The following SDK1 variants were observed in gnomAD, a reference collection of about 807,000 sequenced individuals.
SDK1 encodes protein sidekick-1.
SDK1 carries 157 observed loss-of-function variants against 245.5 expected under a neutral mutation model. That is an observed-to-expected ratio of 0.64 (90% CI 0.56 to 0.73). The LOEUF is 0.73. Among genes scored for constraint, SDK1 ranks in the 30% least tolerant of loss-of-function variants. SDK1 has a pLI of 0.00. For synonymous variants in SDK1, 1,647 were observed against 1,278.5 expected, an observed-to-expected ratio of 1.29 and a Z score of -6.15; for missense variants, 3,583 against 3,002.3, an observed-to-expected ratio of 1.19 and a Z score of -4.52.
At chr7:3,407,136 T>C (rs559586455) in intron 1 of SDK1, among the ~76,000 whole-genome samples, 3 of 152,316 alleles carry the variant, frequency 2.0e-5, no homozygotes, top group Admixed American at 6.5e-5. Flanking sequence ...TCTGCACTAA[T>C]GATGCGTGGG....
At chr7:3,497,715 C>G (rs940777796) in intron 1 of SDK1, among the ~76,000 whole-genome samples, 1 of 152,128 alleles carries the variant, frequency 6.6e-6, no homozygotes, top group African/African-American at 2.4e-5. Context: ...AATCACATAC[C>G]TTGATAAACC....
intron 2 of SDK1, among the ~76,000 whole-genome samples, chr7:3,637,023 G>A (rs1215314821): frequency 6.6e-6 from 1 of 151,572 alleles, no homozygotes; most frequent in Non-Finnish European, 1.5e-5. Context: ...TTAAAATTAA[G>A]TTGTTTTTTT....
At chr7:3,776,026 A>T (rs1429427465) in intron 4 of SDK1, among the ~76,000 whole-genome samples, 1 of 152,106 alleles carries the variant, frequency 6.6e-6, no homozygotes, top group Non-Finnish European at 1.5e-5. Flanking sequence ...CGTATTTCCC[A>T]CCCTGCATTG....
chr7:3,913,333 A>C (rs987563613), intron 5 of SDK1, among the ~76,000 whole-genome samples: 2 of 134,974 alleles, frequency 1.5e-5, no homozygotes, highest in African/African-American at 2.9e-5. Context: ...TCGCTCTGTC[A>C]CCCAGGCTGG....
At chr7:3,988,581 G>C (rs1317356726) in intron 14 of SDK1, among the ~76,000 whole-genome samples, 2 of 152,176 alleles carry the variant, frequency 1.3e-5, no homozygotes, top group Admixed American at 1.3e-4. Flanking sequence ...CTCCACACCG[G>C]TCAGCCACAC....
chr7:4,210,034 C>A lies in SDK1; in HGVS notation c.5411C>A (p.Ala1804Asp). Reference protein sequence around the residue: ...QGRTHQAAPGAPSFLAFSEIT... With the variant: ...QGRTHQAAPGDPSFLAFSEIT... Reference sequence around the variant, plus strand: ...TGTTCTATTCTCCCAGCCCCTGGGGCCCCCAGCTTTCTGGCGTTCTCAGAA... The same window carrying A: ...TGTTCTATTCTCCCAGCCCCTGGGGACCCCAGCTTTCTGGCGTTCTCAGAA... The change falls in exon 38 of 45, where the codon GCC (alanine) becomes GAC (aspartate). Residue 1804 changes from alanine (A) to aspartate (D), a missense_variant. By Grantham distance (126) the Ala-to-Asp change is moderately radical. Transcript: ENST00000404826. 1 of 1,586,996 alleles carries A rather than the reference C, an allele frequency of 6.3e-7. No individual in the cohort carries two copies. Among genetic ancestry groups the A allele is most frequent in the Non-Finnish European group, 8.6e-7 (1 of 1,168,270 alleles).
At chr7:4,108,576 C>T (rs752337733) in intron 22 of SDK1, among the ~76,000 whole-genome samples, 8 of 152,164 alleles carry the variant, frequency 5.3e-5, no homozygotes, top group Admixed American at 2.0e-4. Context: ...TGCCGACTTC[C>T]GGGGTATTCA....
intron 4 of SDK1, among the ~76,000 whole-genome samples, chr7:3,737,177 G>A (rs1779338651): frequency 6.6e-6 from 1 of 152,194 alleles, no homozygotes; most frequent in African/African-American, 2.4e-5. Flanking sequence ...GCAGTCGGGT[G>A]GGGGAACCCT....
At chr7:4,231,528 G>C (rs1785767130) in intron 40 of SDK1, among the ~76,000 whole-genome samples, 1 of 150,102 alleles carries the variant, frequency 6.7e-6, no homozygotes, top group Non-Finnish European at 1.5e-5. Context: ...AGCTATGATT[G>C]CACCACTGCA....
intron 1 of SDK1, among the ~76,000 whole-genome samples, chr7:3,617,287 A>C (rs1423801598): frequency 6.6e-6 from 1 of 152,364 alleles, no homozygotes; most frequent in East Asian, 1.9e-4. Flanking sequence ...TCTAGGTGCT[A>C]GGAATTCAGA....
chr7:3,911,202 G>A (rs971019865), intron 5 of SDK1, among the ~76,000 whole-genome samples: 3 of 152,160 alleles, frequency 2.0e-5, no homozygotes, highest in Non-Finnish European at 4.4e-5. Flanking sequence ...TGTGGCTGTG[G>A]GATTGTTCCT....
chr7:4,248,892 A>G (rs1294592986), intron 44 of SDK1, among the ~76,000 whole-genome samples: 1 of 151,936 alleles, frequency 6.6e-6, no homozygotes, highest in Non-Finnish European at 1.5e-5. Flanking sequence ...TACAAGTACA[A>G]GCACACATGC....
At chr7:3,988,406 C>G (rs547679439) in intron 14 of SDK1, among the ~76,000 whole-genome samples, 1 of 152,166 alleles carries the variant, frequency 6.6e-6, no homozygotes, top group East Asian at 1.9e-4. Flanking sequence ...GTTTCCTCAT[C>G]CAAACCATTC....
rs558409891 is a variant in SDK1, at chr7:4,262,076, C to G, written c.6382-3048C>G. Among the ~76,000 whole-genome samples the G allele has an allele frequency of 2.6e-5, 3 of 114,374 alleles. No individual in the cohort carries two copies. In the South Asian group the frequency reaches 9.3e-4, roughly 35 times the overall value. 75.0% of individuals were successfully genotyped at this position (114,374 alleles called of 152,430 possible). Reference sequence around the variant, plus strand: ...ATGGAGTCTGGCTCTGTCACCCAGGCTGGAGTGCAGTGGCGAGATCTCGGC... The same window carrying G: ...ATGGAGTCTGGCTCTGTCACCCAGGGTGGAGTGCAGTGGCGAGATCTCGGC... On this transcript the variant is annotated intron_variant, in intron 44 of 44. Coordinates refer to ENST00000404826, the MANE Select transcript of SDK1 (RefSeq NM_152744.4).
At chr7:4,013,314 A>G (rs1239741399) in intron 16 of SDK1, among the ~76,000 whole-genome samples, 2 of 152,366 alleles carry the variant, frequency 1.3e-5, no homozygotes, top group Middle Eastern at 3.4e-3. Context: ...TGACACAAGT[A>G]AAAGCAAAAG....
At chr7:4,014,125 G>C (rs987825540) in intron 16 of SDK1, among the ~76,000 whole-genome samples, 2 of 152,214 alleles carry the variant, frequency 1.3e-5, no homozygotes, top group Non-Finnish European at 2.9e-5. Context: ...CTCTGCCTCT[G>C]CCTTTCTTCA....
At chr7:3,638,098 A>T (rs1377372881) in intron 2 of SDK1, among the ~76,000 whole-genome samples, 3 of 152,246 alleles carry the variant, frequency 2.0e-5, no homozygotes, top group Non-Finnish European at 4.4e-5. Context: ...TTTCTCATTC[A>T]ACCAGTTGTG....
intron 1 of SDK1, among the ~76,000 whole-genome samples, chr7:3,590,544 T>C (rs2128635478): frequency 6.6e-6 from 1 of 152,298 alleles, no homozygotes; most frequent in East Asian, 1.9e-4. Flanking sequence ...TAAATCACAG[T>C]AATTCCTTGC....
chr7:3,423,090 C>G (rs1779576919), intron 1 of SDK1, among the ~76,000 whole-genome samples: 1 of 152,016 alleles, frequency 6.6e-6, no homozygotes, highest in African/African-American at 2.4e-5. Flanking sequence ...GGGAATAATC[C>G]TAATCAAGAA....
Sources: gnomAD v4.1 joint callset for allele counts (sites outside exome capture counted in the v4.1 genomes callset) on GRCh38, gnomAD v4.1.1 for gene constraint, MANE v1.5 for transcripts, NCBI Gene and HGNC (gene_info 2026-07-23, HGNC 2026-07-21) for gene names.